The following CNTNAP2 variants were observed in gnomAD, a reference collection of about 807,000 sequenced individuals.
CNTNAP2 encodes the protein contactin associated protein 2.
CNTNAP2 carries 98 observed loss-of-function variants against 155.2 expected under a neutral mutation model. The ratio of observed to expected loss-of-function variants is 0.63; its 90% CI spans 0.54 to 0.75. CNTNAP2 has a LOEUF of 0.75. Among genes scored for constraint, CNTNAP2 ranks in the 30% least tolerant of loss-of-function variants. CNTNAP2 has a pLI of 0.00. For missense variants in CNTNAP2, 1,727 were observed against 1,688.1 expected, an observed-to-expected ratio of 1.02 and a Z score of -0.40; for synonymous variants, 651 against 631.2, an observed-to-expected ratio of 1.03 and a Z score of -0.47.
chr7:146,292,175 G>T (rs1273356140), intron 1 of CNTNAP2, among the ~76,000 whole-genome samples: 1 of 152,054 alleles, frequency 6.6e-6, no homozygotes, highest in African/African-American at 2.4e-5. Context: ...AAACCACAGT[G>T]GATACCACCT....
intron 1 of CNTNAP2, among the ~76,000 whole-genome samples, chr7:146,736,943 T>C (rs1173998608): frequency 1.3e-5 from 2 of 152,062 alleles, no homozygotes; most frequent in Non-Finnish European, 2.9e-5. Flanking sequence ...ATATATAAAC[T>C]TTTATTCAGG....
intron 14 of CNTNAP2, among the ~76,000 whole-genome samples, chr7:147,925,381 A>G (rs933939273): frequency 3.3e-5 from 5 of 152,032 alleles, no homozygotes; most frequent in Non-Finnish European, 4.4e-5. Flanking sequence ...TGTTATACTC[A>G]TGAACCTACA....
At chr7:148,399,269 A>G (rs1220686433) in intron 22 of CNTNAP2, among the ~76,000 whole-genome samples, 1 of 152,196 alleles carries the variant, frequency 6.6e-6, no homozygotes, top group Non-Finnish European at 1.5e-5. Context: ...TTTTGTCAAA[A>G]AACAAATCCA....
chr7:147,583,832 A>G (rs2116831165), intron 12 of CNTNAP2, among the ~76,000 whole-genome samples: 1 of 152,202 alleles, frequency 6.6e-6, no homozygotes, highest in South Asian at 2.1e-4. Flanking sequence ...CAATTTCAAC[A>G]TCTCTGAAAT....
At chr7:146,812,442 A>AAATATATATATATATATATATATATATAT (rs1206681484) in intron 2 of CNTNAP2, among the ~76,000 whole-genome samples, 2 of 141,802 alleles carry the variant, frequency 1.4e-5, no homozygotes, top group African/African-American at 5.6e-5. Flanking sequence ...TATATATATA[A>AAATATATATATATATATATATATATATAT]AAAATATATA....
chr7:147,057,618 G>T (rs1022564420), intron 4 of CNTNAP2, among the ~76,000 whole-genome samples: 55 of 152,076 alleles, frequency 3.6e-4, no homozygotes, highest in African/African-American at 1.2e-3. Context: ...TACTAGAAGT[G>T]CATCATATTT....
intron 21 of CNTNAP2, among the ~76,000 whole-genome samples, chr7:148,282,076 G>T (rs987840989): frequency 4.6e-5 from 7 of 151,890 alleles, no homozygotes; most frequent in Non-Finnish European, 1.0e-4. Context: ...ACCCACCTCG[G>T]CCTCCTAAAG....
At chr7:146,500,970 G>A (rs142659494) in intron 1 of CNTNAP2, among the ~76,000 whole-genome samples, 1,963 of 152,028 alleles carry the variant, frequency 0.013, 17 homozygotes, top group Non-Finnish European at 0.021. Context: ...AATCTATTGA[G>A]ATGGTCTTGA....
intron 1 of CNTNAP2, among the ~76,000 whole-genome samples, chr7:146,153,519 G>A (rs535496647): frequency 1.3e-5 from 2 of 152,226 alleles, no homozygotes; most frequent in East Asian, 3.9e-4. Context: ...CGTAGAATAA[G>A]GCTTACAAAA....
rs2116736895 is a variant in CNTNAP2, at chr7:148,418,703, A to C, written c.*3087A>C. ...TTCTGGCCCTTCTTAATATTTAAAA[A>C]TGTATTTCCCCTTGTGGCTTTCAAC... On this transcript the variant is annotated 3_prime_UTR_variant, in exon 24 of 24. Coordinates refer to ENST00000361727, the MANE Select transcript of CNTNAP2 (RefSeq NM_014141.6). The C allele has an allele frequency of 6.6e-6, 1 of 152,340 alleles. No homozygotes were observed. The highest frequency in any genetic ancestry group is 1.9e-4 in the East Asian group (1 of 5,194). The allele number at this position is 152,340 out of a possible 1,614,324, so 9.4% of individuals were successfully genotyped here. A position where few individuals can be genotyped will look rare whatever the true frequency, so the allele number is the denominator to read the frequency against.
At chr7:147,882,346 T>G (rs1304615172) in intron 13 of CNTNAP2, among the ~76,000 whole-genome samples, 1 of 152,186 alleles carries the variant, frequency 6.6e-6, no homozygotes, top group African/African-American at 2.4e-5. Context: ...CAGCCACTCT[T>G]GCACTGGCTG....
chr7:146,492,679 CA>C (rs1797158274), intron 1 of CNTNAP2, among the ~76,000 whole-genome samples: 1 of 152,140 alleles, frequency 6.6e-6, no homozygotes, highest in Non-Finnish European at 1.5e-5. Flanking sequence ...TTTGGTTTCT[CA>C]GTTGCTTTAT....
At chr7:146,226,711 TG>T (rs1799298525) in intron 1 of CNTNAP2, among the ~76,000 whole-genome samples, 2 of 152,016 alleles carry the variant, frequency 1.3e-5, no homozygotes. Context: ...AAACACGTTC[TG>T]GAAGTAGTAT....
chr7:148,393,518 T>C (rs914874691), intron 22 of CNTNAP2, among the ~76,000 whole-genome samples: 2 of 152,252 alleles, frequency 1.3e-5, no homozygotes, highest in Non-Finnish European at 2.9e-5. Flanking sequence ...GTCATTTTAG[T>C]TGTATCCCAC....
At chr7:148,083,844 G>T (rs957851082) in intron 15 of CNTNAP2, among the ~76,000 whole-genome samples, 5 of 152,114 alleles carry the variant, frequency 3.3e-5, no homozygotes, top group African/African-American at 1.2e-4. Context: ...TCTGTCACTT[G>T]TGTTAATTTC....
intron 11 of CNTNAP2, among the ~76,000 whole-genome samples, chr7:147,559,495 A>G (rs1281252295): frequency 2.6e-5 from 4 of 152,362 alleles, no homozygotes; most frequent in Admixed American, 1.3e-4. Context: ...TTTAGTGAGA[A>G]GTGAGGAGAT....
At chr7:147,708,837 C>T (rs1047510657) in intron 13 of CNTNAP2, among the ~76,000 whole-genome samples, 1 of 152,170 alleles carries the variant, frequency 6.6e-6, no homozygotes, top group Non-Finnish European at 1.5e-5. Flanking sequence ...GTGTGATCAT[C>T]TATTCACTGT....
Position 147,731,134 on chromosome 7 carries a change from G to A in CNTNAP2, c.2098+91828G>A, listed in dbSNP as rs181332410. Among the ~76,000 whole-genome samples, 770 of 152,216 alleles carry A rather than the reference G, an allele frequency of 5.1e-3. 9 individuals carry two copies. Among genetic ancestry groups the A allele is most frequent in the African/African-American group, 0.017 (714 of 41,554 alleles). On this transcript the variant is annotated intron_variant, in intron 13 of 23. Transcript: ENST00000361727. ...AACAGCAAATGCTGATGTAGAAGCT[G>A]CAACAAGTTATCTAGAAGGTCTAGC...
chr7:146,656,373 AAAAG>A (rs557118210), intron 1 of CNTNAP2, among the ~76,000 whole-genome samples: 16 of 152,354 alleles, frequency 1.1e-4, no homozygotes, highest in South Asian at 1.0e-3. Context: ...AGTAACAAAA[AAAAG>A]AAATCAGGTG....
Sources: gnomAD v4.1 joint callset for allele counts (sites outside exome capture counted in the v4.1 genomes callset) on GRCh38, gnomAD v4.1.1 for gene constraint, MANE v1.5 for transcripts, NCBI Gene and HGNC (gene_info 2026-07-23, HGNC 2026-07-21) for gene names.